Variants in DGKG observed in about 807,000 individuals in gnomAD.
DGKG encodes diacylglycerol kinase gamma, also known as DAG kinase gamma.
DGKG carries 78 observed loss-of-function variants against 105.3 expected under a neutral mutation model. That is an observed-to-expected ratio of 0.74 (90% CI 0.62 to 0.89). The LOEUF (loss-of-function observed/expected upper bound fraction) is 0.89. DGKG is among the 40% of genes least tolerant of loss of function. DGKG has a pLI of 0.00. For synonymous variants in DGKG, 346 were observed against 367.1 expected (o/e 0.94, Z 0.66); for missense variants, 958 against 1,020.1 (o/e 0.94, Z 0.83).
At chr3:186,340,363 G>A (rs1284314355) in intron 1 of DGKG, among the ~76,000 whole-genome samples, 1 of 152,160 alleles carries the variant, frequency 6.6e-6, no homozygotes, top group African/African-American at 2.4e-5. Context: ...TGGAGGGGTT[G>A]GGAGAAGAGC....
At chr3:186,288,955 C>T (rs1291523089) in intron 5 of DGKG, 75 bp from the exon 6 acceptor site, 2 of 1,417,396 alleles carry the variant, frequency 1.4e-6, no homozygotes, top group East Asian at 2.4e-5. Context: ...GTTACCCCAT[C>T]CTTTTCATGG....
intron 1 of DGKG, among the ~76,000 whole-genome samples, chr3:186,338,169 CAAA>C (rs34436386): frequency 1.6e-4 from 12 of 75,802 alleles, no homozygotes; most frequent in South Asian, 4.5e-4. Flanking sequence ...GACCCTATCT[CAAA>C]AAAAAAAAAA....
At chr3:186,224,921 T>C (rs1719778130) in intron 20 of DGKG, among the ~76,000 whole-genome samples, 1 of 152,172 alleles carries the variant, frequency 6.6e-6, no homozygotes. Context: ...TCCAAATTTA[T>C]TCTCCTTGTG....
intron 2 of DGKG, among the ~76,000 whole-genome samples, chr3:186,310,007 G>A (rs1278546739): frequency 3.3e-5 from 5 of 151,026 alleles, no homozygotes; most frequent in East Asian, 1.9e-4. Context: ...GGTGGCTCAC[G>A]CCTGTAATCC....
At chr3:186,249,178 A>T (rs1254008192) in intron 19 of DGKG, among the ~76,000 whole-genome samples, 1 of 152,166 alleles carries the variant, frequency 6.6e-6, no homozygotes, top group East Asian at 1.9e-4. Flanking sequence ...GGCACCTGGA[A>T]GAGGTCTAGG....
At chr3:186,164,793 T>C (rs1716457213) in intron 23 of DGKG, 105 bp downstream of exon 23, 1 of 1,327,284 alleles carries the variant, frequency 7.5e-7, no homozygotes, top group Admixed American at 2.4e-5. Context: ...GCTTTTGTGC[T>C]GCACTCTCCC....
chr3:186,280,864 G>C, intron 7 of DGKG, 120 bp from the exon 8 acceptor site: 1 of 754,988 alleles, frequency 1.3e-6, no homozygotes, highest in Non-Finnish European at 2.2e-6. Flanking sequence ...AGAAGAAGCT[G>C]GTGCAGTAAC....
intron 1 of DGKG, among the ~76,000 whole-genome samples, chr3:186,342,094 C>G (rs1560164257): frequency 6.6e-6 from 1 of 152,056 alleles, no homozygotes; most frequent in Non-Finnish European, 1.5e-5. Context: ...TGCAGTGCAC[C>G]AGCATGGCAC....
intron 24 of DGKG, among the ~76,000 whole-genome samples, chr3:186,153,931 T>C (rs1262226913): frequency 6.6e-6 from 1 of 152,006 alleles, no homozygotes; most frequent in Non-Finnish European, 1.5e-5. Flanking sequence ...ATGGTGAAAC[T>C]TCGTCTCTAC....
chr3:186,163,109 G>A (rs528613511), intron 23 of DGKG, among the ~76,000 whole-genome samples: 12 of 152,164 alleles, frequency 7.9e-5, no homozygotes, highest in African/African-American at 2.4e-4. Context: ...GGGCTCAAGC[G>A]ATCCTCCTAC....
Position 186,284,509 on chromosome 3 carries a change from G to A in DGKG, c.594+151C>T. 1 of 703,510 alleles carries A rather than the reference G, an allele frequency of 1.4e-6. No individual in the cohort carries two copies. Among genetic ancestry groups the A allele is most frequent in the Non-Finnish European group, 2.5e-6 (1 of 395,986 alleles). The allele number at this position is 703,510 out of a possible 1,614,324, so 43.6% of individuals were successfully genotyped here. On this transcript the variant is annotated intron_variant, in intron 7 of 24. Transcript: ENST00000265022. This position sits in a 1 kb window ranked among gnomAD's most constrained non-coding sequence, Gnocchi z 4.0. Reference sequence around the variant, plus strand: ...GCCGGCCCTTTGGAAATAGCGGGTGGAGAGGTCCTAGTCGGATTTCCTCAG... The same window carrying A: ...GCCGGCCCTTTGGAAATAGCGGGTGAAGAGGTCCTAGTCGGATTTCCTCAG...
intron 3 of DGKG, among the ~76,000 whole-genome samples, chr3:186,299,162 T>C (rs994682845): frequency 1.3e-5 from 2 of 152,222 alleles, no homozygotes; most frequent in Admixed American, 1.3e-4. Context: ...AATCGGCAGA[T>C]GCTCCTGGAA....
At chr3:186,188,794 C>A (rs1035863432) in intron 21 of DGKG, among the ~76,000 whole-genome samples, 7 of 152,048 alleles carry the variant, frequency 4.6e-5, no homozygotes, top group Non-Finnish European at 1.0e-4. Context: ...CAGAACATAA[C>A]AAATGACAGA....
chr3:186,342,336 G>C (rs546284265), intron 1 of DGKG, among the ~76,000 whole-genome samples: 2 of 152,128 alleles, frequency 1.3e-5, no homozygotes, highest in Non-Finnish European at 2.9e-5. Context: ...TCTACAGGCC[G>C]CTTGGCCACA....
intron 1 of DGKG, 64 bp from the exon 2 acceptor site, chr3:186,320,771 T>A: frequency 3.6e-6 from 1 of 280,450 alleles, no homozygotes; most frequent in Non-Finnish European, 6.6e-6. Flanking sequence ...CCAAATGTTC[T>A]TTGCTGAAAG....
At chr3:186,242,265 C>T (rs1337107935) in intron 20 of DGKG, among the ~76,000 whole-genome samples, 1 of 152,234 alleles carries the variant, frequency 6.6e-6, no homozygotes, top group Admixed American at 6.5e-5. Flanking sequence ...ATACCCACCT[C>T]CTGCCCTCCA....
At chr3:186,165,475 A>G (rs902074461) in intron 22 of DGKG, among the ~76,000 whole-genome samples, 5 of 152,226 alleles carry the variant, frequency 3.3e-5, no homozygotes, top group Non-Finnish European at 7.3e-5. Context: ...ACAATGACTG[A>G]TGGTTAATTA....
chr3:186,345,867 T>G (rs1429155464), intron 1 of DGKG, among the ~76,000 whole-genome samples: 1 of 152,162 alleles, frequency 6.6e-6, no homozygotes, highest in African/African-American at 2.4e-5. Flanking sequence ...CCTCATGAGT[T>G]CAAGCAATTC....
In DGKG at chr3:186,264,281, T is replaced by TTTTTCTTTA. The variant is rs539193943; in HGVS notation, c.1269+965_1269+966insTAAAGAAAA. 4.7e-3 allele frequency among the ~76,000 whole-genome samples: 716 copies of TTTTTCTTTA among 152,258 alleles called. 3 individuals are homozygous for TTTTTCTTTA. Among genetic ancestry groups the TTTTTCTTTA allele is most frequent in the Non-Finnish European group, 6.2e-3 (422 of 68,002 alleles). The stretch of plus-strand genomic sequence containing the variant: ...ACTTTTCTTTTTCTTTTTTTTCTTT[T>TTTTTCTTTA]GAGACATAATCTCCCTCTGTTGCCC... On this transcript the variant is annotated intron_variant, in intron 14 of 24. Transcript: ENST00000265022.
Sources: gnomAD v4.1 joint callset for allele counts (sites outside exome capture counted in the v4.1 genomes callset) on GRCh38, gnomAD v4.1.1 for gene constraint, Gnocchi (gnomAD v3.1) non-coding constraint, MANE v1.5 for transcripts, NCBI Gene and HGNC (gene_info 2026-07-23, HGNC 2026-07-21) for gene names.